Variants in CEP170B observed in about 807,000 individuals in gnomAD.
CEP170B encodes the protein centrosomal protein 170B.
A neutral mutation model predicts 120.6 loss-of-function variants in CEP170B; 55 were observed. The ratio of observed to expected loss-of-function variants is 0.46; its 90% confidence interval spans 0.37 to 0.57. The LOEUF is 0.57. CEP170B is among the 20% of genes least tolerant of loss of function. The pLI is 0.00. For synonymous variants in CEP170B, 1,033 were observed against 954.5 expected (o/e 1.08, Z -1.52); for missense variants, 2,212 against 2,253.3 (o/e 0.98, Z 0.37).
At chr14:104,888,711 C>T (rs1230440610) in intron 12 of CEP170B, among the ~76,000 whole-genome samples, 1 of 152,266 alleles carries the variant, frequency 6.6e-6, no homozygotes, top group Non-Finnish European at 1.5e-5. Context: ...GCCTTCTGCC[C>T]TGTGCACCCA....
chr14:104,893,909 G>A, intron 16 of CEP170B, 60 bp downstream of exon 16: 1 of 1,486,842 alleles, frequency 6.7e-7, no homozygotes, highest in Non-Finnish European at 9.3e-7. Flanking sequence ...CATGAGCTGA[G>A]ACTCAGCCTG....
At chr14:104,882,271 C>T (rs1214779383) in intron 6 of CEP170B, among the ~76,000 whole-genome samples, 4 of 152,230 alleles carry the variant, frequency 2.6e-5, no homozygotes, top group African/African-American at 9.6e-5. Flanking sequence ...CCATTTGTGG[C>T]CTGAACCATT....
chr14:104,885,427 C>G lies in CEP170B; in HGVS notation c.1829C>G (p.Pro610Arg). ...LSRASSATFR[P>R]VIRGDRDESD... ...AGGGCATCTTCGGCCACCTTTCGCC[C>G]AGTCATCAGAGGGGACAGAGATGAG... is the stretch of plus-strand genomic sequence containing the variant. The change falls in exon 10 of 19, where the codon CCA becomes CGA. Residue 610 changes from proline (P) to arginine (R), a missense_variant. Transcript: ENST00000414716. The G allele has an allele frequency of 6.4e-7, 1 of 1,565,766 alleles. No homozygotes were observed. Among genetic ancestry groups the G allele is most frequent in the Non-Finnish European group, 8.7e-7 (1 of 1,155,806 alleles).
At chr14:104,885,858 C>A (rs1464662491) in intron 10 of CEP170B, among the ~76,000 whole-genome samples, 182 bp from the exon 11 acceptor site, 1 of 152,220 alleles carries the variant, frequency 6.6e-6, no homozygotes, top group African/African-American at 2.4e-5. Flanking sequence ...CAAGTCCAGG[C>A]GAGGCAACTG....
chr14:104,879,364 G>T (rs542432366), intron 5 of CEP170B, among the ~76,000 whole-genome samples: 1 of 152,222 alleles, frequency 6.6e-6, no homozygotes, highest in Admixed American at 6.5e-5. Context: ...TTCGCTCCAG[G>T]TTAACGGATT....
In CEP170B at chr14:104,886,078, G is replaced by C; in HGVS notation, c.1983G>C (p.Trp661Cys). Residue 661 changes from tryptophan to cysteine, a missense_variant, in exon 11 of 19, where the codon TGG becomes TGC. Around this residue, in one of 2 missense-constraint regions of CEP170B, gnomAD observed 2,166 missense variants for 2,166.7 expected, o/e 1.00. Coordinates refer to ENST00000414716, the MANE Select transcript of CEP170B (RefSeq NM_001112726.3). The part of the protein sequence containing the change: ...PVPGSPGGQK[W>C]VSRWASLADS... ...CGGGCTCCCCTGGGGGTCAGAAGTGGGTGTCCCGCTGGGCCAGCCTGGCTG... is the reference window on the plus strand; with the variant it reads ...CGGGCTCCCCTGGGGGTCAGAAGTGCGTGTCCCGCTGGGCCAGCCTGGCTG... 6.5e-7 allele frequency: 1 copy of C among 1,546,826 alleles called. No homozygotes were observed. Among genetic ancestry groups the C allele is most frequent in the Non-Finnish European group, 8.7e-7 (1 of 1,145,440 alleles).
At position 104,895,257 on chromosome 14, in the gene CEP170B, T is replaced by C. The variant is rs553194755; in HGVS notation, c.*299T>C. Reference sequence around the variant, plus strand: ...CCCTCAAGGGCATTACCCCGCCTCCTCTTCATCACTGTTATTTTTGTCTTT... The same window carrying C: ...CCCTCAAGGGCATTACCCCGCCTCCCCTTCATCACTGTTATTTTTGTCTTT... On this transcript the variant is annotated 3_prime_UTR_variant, in exon 19 of 19. Coordinates refer to ENST00000414716, the MANE Select transcript of CEP170B (RefSeq NM_001112726.3). The C allele has an allele frequency of 5.3e-4, 211 of 394,840 alleles. 1 individual carries two copies. The highest frequency in any genetic ancestry group is 1.4e-3 in the South Asian group (18 of 12,840). 24.5% of individuals were successfully genotyped at this position (394,840 alleles called of 1,614,324 possible).
chr14:104,883,811 G>A lies in CEP170B; in HGVS notation c.1052-20G>A, dbSNP rs1276107604. The A allele has an allele frequency of 1.3e-5, 20 of 1,515,404 alleles. No individual in the cohort carries two copies. Among genetic ancestry groups the A allele is most frequent in the Admixed American group, 2.2e-5 (1 of 46,444 alleles). The allele number at this position is 1,515,404 out of a possible 1,614,324, so 93.9% of individuals were successfully genotyped here. A position where few individuals can be genotyped will look rare whatever the true frequency, so the allele number is the denominator to read the frequency against. On this transcript the variant is annotated intron_variant, in intron 8 of 18. Transcript: ENST00000414716. ...TCCTTTCTCTCGGCCTGACAAGGTG[G>A]GGTCCCCTGTCTCCCCCAGGCCACA...
In CEP170B at chr14:104,884,036, C is replaced by T. The variant is rs1431804980; in HGVS notation, c.1257C>T (p.Ser419=). The part of the protein sequence containing the change: ...FDEDTPRKKR[S]QSFTHSPSGD... ...AGGACACACCCCGAAAGAAGCGCTCCCAGTCCTTCACGCACAGCCCGTCCG... is the reference window on the plus strand; with the variant it reads ...AGGACACACCCCGAAAGAAGCGCTCTCAGTCCTTCACGCACAGCCCGTCCG... The change falls in exon 9 of 19, where the codon TCC becomes TCT. Residue 419 remains serine, a synonymous_variant. Transcript: ENST00000414716. The T allele has an allele frequency of 1.2e-6, 2 of 1,610,386 alleles. No individual in the cohort carries two copies. Among genetic ancestry groups the T allele is most frequent in the Non-Finnish European group, 1.7e-6 (2 of 1,178,742 alleles).
At chr14:104,874,300 G>A (rs1895718614) in intron 2 of CEP170B, among the ~76,000 whole-genome samples, 2 of 152,220 alleles carry the variant, frequency 1.3e-5, no homozygotes, top group African/African-American at 2.4e-5. Context: ...GGGTGGCCAG[G>A]AGCCACGTAG....
chr14:104,880,691 G>A (rs1179211355), intron 6 of CEP170B, among the ~76,000 whole-genome samples: 1 of 149,882 alleles, frequency 6.7e-6, no homozygotes, highest in Non-Finnish European at 1.5e-5. Flanking sequence ...ACCTACCCAT[G>A]CATGCCTGCA....
intron 2 of CEP170B, among the ~76,000 whole-genome samples, chr14:104,871,844 G>C (rs1364488533): frequency 6.6e-6 from 1 of 152,226 alleles, no homozygotes. Context: ...GCTTTCACTA[G>C]GCAAGAGGGG....
chr14:104,864,964 G>T (rs1205795474), upstream of CEP170B, among the ~76,000 whole-genome samples: 1 of 149,754 alleles, frequency 6.7e-6, no homozygotes, highest in Non-Finnish European at 1.5e-5. The surrounding 1 kb of genome is among the most constrained non-coding windows in gnomAD (Gnocchi z 5.9). Flanking sequence ...AGGCGAAGCG[G>T]GGGGCGCTGC....
Position 104,868,921 on chromosome 14 carries a change from G to A in CEP170B, c.105+366G>A, listed in dbSNP as rs952780895. ...GGGCTTTGGAAGGTCCTGGAAAGCC[G>A]GTCTGTCCATATTCTTGTTGTCTGG... On this transcript the variant is annotated intron_variant, in intron 2 of 18. Transcript: ENST00000414716. The surrounding 1 kb of genome is among the most constrained non-coding windows in gnomAD (Gnocchi z 5.9). Among the ~76,000 whole-genome samples the A allele has an allele frequency of 2.0e-5, 3 of 152,156 alleles. No individual in the cohort carries two copies. The highest frequency in any genetic ancestry group is 6.5e-5 in the Admixed American group (1 of 15,284).
Position 104,886,401 on chromosome 14 carries a change from GTGGGCC to G in CEP170B, c.2169_2174del (p.Gly724_Pro725del). 2 of 1,582,432 alleles carry G rather than the reference GTGGGCC, an allele frequency of 1.3e-6. No individual in the cohort carries two copies. The highest frequency in any genetic ancestry group is 1.7e-6 in the Non-Finnish European group (2 of 1,165,768). ...GCGGGCCCAGAGAGCAGCAGGAGGAGTGGGCCTGGGCCACCGGAGCTGGACAGTGAG... is the reference window on the plus strand; with the variant it reads ...GCGGGCCCAGAGAGCAGCAGGAGGAGTGGGCCACCGGAGCTGGACAGTGAG... On this transcript the variant is annotated inframe_deletion, in exon 12 of 19. Transcript: ENST00000414716.
At chr14:104,884,593 G>GTGGAGGCGATGCCGGGGGTGGCGA (rs1896355219) in intron 9 of CEP170B, 44 bp downstream of exon 9, 1 of 1,465,588 alleles carries the variant, frequency 6.8e-7, no homozygotes, top group Non-Finnish European at 9.2e-7. Context: ...GGAACGGGGG[G>GTGGAGGCGATGCCGGGGGTGGCGA]GTGGAGGCGA....
At position 104,884,553 on chromosome 14, in the gene CEP170B, C is replaced by T; in HGVS notation, c.1770+4C>T. The T allele has an allele frequency of 1.3e-6, 2 of 1,553,212 alleles. No individual in the cohort carries two copies. The highest frequency in any genetic ancestry group is 1.7e-6 in the Non-Finnish European group (2 of 1,148,530). ...GGCCCGGAAGATGATCGACCAGGTG[C>T]AGCCCAGCGGCGAGTGAGAGCCCTC... On this transcript the variant is annotated splice_donor_region_variant and intron_variant, in intron 9 of 18. Coordinates refer to ENST00000414716, the MANE Select transcript of CEP170B (RefSeq NM_001112726.3).
chr14:104,895,026 G>T lies in CEP170B; in HGVS notation c.*68G>T. On this transcript the variant is annotated 3_prime_UTR_variant, in exon 19 of 19. Transcript: ENST00000414716. ...TCTGCCTTCCGTCCGCCGCACACCC[G>T]CCTGCCTGGCCGCAGGTGGTTCTCC... The T allele has an allele frequency of 6.9e-7, 1 of 1,440,728 alleles. No homozygotes were observed. The allele number at this position is 1,440,728 out of a possible 1,614,324, so 89.2% of individuals were successfully genotyped here.
At chr14:104,890,625 AGTGG>A (rs1470768472) in intron 13 of CEP170B, among the ~76,000 whole-genome samples, 3 of 50,336 alleles carry the variant, frequency 6.0e-5, no homozygotes, top group Admixed American at 2.0e-4. Flanking sequence ...AGGATGGATG[AGTGG>A]GTGGGTGGAT....
Sources: allele counts gnomAD v4.1 joint callset (sites outside exome capture counted in the v4.1 genomes callset), GRCh38; gene constraint gnomAD v4.1.1; regional missense constraint gnomAD v4.1.1; non-coding constraint Gnocchi (gnomAD v3.1); transcripts MANE v1.5; gene names NCBI Gene and HGNC (gene_info 2026-07-23, HGNC 2026-07-21).